Variants in GPHN observed in about 807,000 individuals in gnomAD.
GPHN encodes the protein gephyrin.
A neutral mutation model predicts 95.5 loss-of-function variants in GPHN; 17 were observed. The observed-to-expected ratio is 0.18, with a 90% CI of 0.12 to 0.27. The LOEUF (loss-of-function observed/expected upper bound fraction) is 0.27, where lower values mean the gene tolerates loss of function less well. GPHN is among the 10% of genes least tolerant of loss of function. The pLI, the probability that GPHN is intolerant of heterozygous loss-of-function variation, is 1.00. For missense variants in GPHN, 660 were observed against 978.1 expected (o/e 0.67, Z 4.34); for synonymous variants, 320 against 322.5 (o/e 0.99, Z 0.08).
At chr14:66,646,325 A>G (rs1390881030) in intron 1 of GPHN, among the ~76,000 whole-genome samples, 1 of 152,130 alleles carries the variant, frequency 6.6e-6, no homozygotes, top group African/African-American at 2.4e-5. Context: ...GAAATAACAA[A>G]TGTTGGTGAG....
the GPHN span, chr14:67,374,771 T>G: frequency 2.8e-6 from 1 of 355,568 alleles, no homozygotes; most frequent in Non-Finnish European, 5.1e-6. Context: ...TACGGGGTTT[T>G]TTTGTTTGTT....
At chr14:67,002,571 T>G (rs2072308935) in intron 9 of GPHN, among the ~76,000 whole-genome samples, 1 of 151,356 alleles carries the variant, frequency 6.6e-6, no homozygotes, top group South Asian at 2.1e-4. Context: ...TGTTTAAAGT[T>G]TGGGGCTAGA....
At chr14:66,764,715 C>T (rs2058896569) in intron 2 of GPHN, among the ~76,000 whole-genome samples, 1 of 151,762 alleles carries the variant, frequency 6.6e-6, no homozygotes, top group Non-Finnish European at 1.5e-5. Flanking sequence ...ACTTCTGTAG[C>T]TATATATCAT....
intron 11 of GPHN, among the ~76,000 whole-genome samples, chr14:67,077,609 G>A (rs1035739821): frequency 6.6e-6 from 1 of 151,938 alleles, no homozygotes; most frequent in Non-Finnish European, 1.5e-5. Flanking sequence ...TATTTTTCTT[G>A]TGTGTATGTC....
At chr14:67,351,134 CT>C in the GPHN span, among the ~76,000 whole-genome samples, 2 of 152,268 alleles carry the variant, frequency 1.3e-5, no homozygotes, top group East Asian at 3.9e-4. Flanking sequence ...AGGGAGTTGC[CT>C]TCCCAAGTAT....
chr14:67,584,614 C>T, the GPHN span, among the ~76,000 whole-genome samples: 1 of 152,170 alleles, frequency 6.6e-6, no homozygotes, highest in African/African-American at 2.4e-5. Flanking sequence ...AATTACAGCT[C>T]AAAGCTGGGC....
chr14:67,135,630 T>A lies in GPHN; in HGVS notation c.1749-7732T>A, dbSNP rs559646161. 3.5e-4 allele frequency among the ~76,000 whole-genome samples: 54 copies of A among 152,348 alleles called. No individual in the cohort carries two copies. The South Asian group carries it at 0.011, about 30-fold the overall frequency. ...ATATTTGGTAGCTTGTAAGATTTTC[T>A]GTTTATTTTTGAAATTCCAAAATTG... On this transcript the variant is annotated intron_variant, in intron 17 of 22. Coordinates refer to ENST00000478722, the MANE Select transcript of GPHN (RefSeq NM_020806.5).
chr14:67,407,027 C>T, the GPHN span, among the ~76,000 whole-genome samples: 2 of 152,112 alleles, frequency 1.3e-5, no homozygotes, highest in African/African-American at 4.8e-5. Flanking sequence ...GGACGAGGGG[C>T]CCATAAGCTG....
At chr14:67,033,657 C>T (rs1322181935) in intron 10 of GPHN, among the ~76,000 whole-genome samples, 1 of 151,056 alleles carries the variant, frequency 6.6e-6, no homozygotes, top group African/African-American at 2.4e-5. Context: ...GGACACCAAA[C>T]TTATTTGAAG....
intron 1 of GPHN, among the ~76,000 whole-genome samples, chr14:66,534,324 AT>A (rs1407746455): frequency 2.0e-5 from 3 of 152,024 alleles, no homozygotes; most frequent in Non-Finnish European, 4.4e-5. Context: ...CCAAGTAATT[AT>A]TATTCTGATT....
At chr14:66,761,066 G>C (rs2058736395) in intron 2 of GPHN, 1 of 473,560 alleles carries the variant, frequency 2.1e-6, no homozygotes, top group Non-Finnish European at 4.1e-6. Context: ...ATGCCCTTTG[G>C]AGACTTGGAA....
chr14:67,335,710 ATC>A, the GPHN span: 2 of 152,452 alleles, frequency 1.3e-5, no homozygotes, highest in East Asian at 3.9e-4. Context: ...TCTGTTGTTA[ATC>A]CCCCTTTGTA....
the GPHN span, among the ~76,000 whole-genome samples, chr14:67,533,076 T>C: frequency 5.9e-5 from 9 of 152,098 alleles, no homozygotes; most frequent in African/African-American, 2.2e-4. Flanking sequence ...TCATTTCCTG[T>C]GCCTCTCCGC....
chr14:66,761,017 A>G, intron 2 of GPHN: 1 of 566,182 alleles, frequency 1.8e-6, no homozygotes, highest in Non-Finnish European at 3.5e-6. Context: ...GATGCTTCTT[A>G]AAAATCTCTG....
rs1555482658 is a variant in GPHN at position 67,070,715 on chromosome 14, A to AATATATATATATATATATAT, written c.1144+11943_1144+11944insATATATATATATATATATAT. Among the ~76,000 whole-genome samples the AATATATATATATATATATAT allele has an allele frequency of 5.0e-4, 40 of 80,606 alleles. No individual in the cohort carries two copies. In the East Asian group the frequency reaches 5.5e-3, roughly 11 times the overall value. The allele number at this position is 80,606 out of a possible 152,430, so 52.9% of individuals were successfully genotyped here. On this transcript the variant is annotated intron_variant, in intron 11 of 22. Coordinates refer to ENST00000478722, the MANE Select transcript of GPHN (RefSeq NM_020806.5). The stretch of plus-strand genomic sequence containing the variant: ...ATCTCAAAAAAAAAAAAAAAAAAAA[A>AATATATATATATATATATAT]ATATATATATATATCCAATCAGCAT...
At chr14:67,057,173 C>T (rs967108678) in intron 10 of GPHN, among the ~76,000 whole-genome samples, 5 of 152,166 alleles carry the variant, frequency 3.3e-5, no homozygotes, top group Non-Finnish European at 7.3e-5. Flanking sequence ...CCAGAGTGGA[C>T]GTGAGGCCAA....
chr14:66,509,970 C>A (rs985913227), intron 1 of GPHN, among the ~76,000 whole-genome samples: 2 of 152,162 alleles, frequency 1.3e-5, no homozygotes, highest in Non-Finnish European at 2.9e-5. Context: ...GATTGCCTTT[C>A]CCTGGTATTC....
At chr14:67,423,627 G>A in the GPHN span, among the ~76,000 whole-genome samples, 1 of 152,184 alleles carries the variant, frequency 6.6e-6, no homozygotes, top group Non-Finnish European at 1.5e-5. Context: ...GAGGGTTGCG[G>A]CAAACCTTGG....
chr14:66,811,338 GA>G (rs1486302440), intron 3 of GPHN, among the ~76,000 whole-genome samples: 2 of 152,070 alleles, frequency 1.3e-5, no homozygotes, highest in African/African-American at 4.8e-5. Flanking sequence ...TGAAAGGACA[GA>G]AAAAAATTCA....
Sources: gnomAD v4.1 joint callset for allele counts (sites outside exome capture counted in the v4.1 genomes callset) on GRCh38, gnomAD v4.1.1 for gene constraint, MANE v1.5 for transcripts, NCBI Gene and HGNC (gene_info 2026-07-23, HGNC 2026-07-21) for gene names.